Variants in CCDC171 observed in about 807,000 individuals in gnomAD.
CCDC171 encodes coiled-coil domain-containing protein 171.
A neutral mutation model predicts 168.2 loss-of-function variants in CCDC171; 177 were observed. The ratio of observed to expected loss-of-function variants is 1.05; its 90% CI spans 0.93 to 1.19. The LOEUF (loss-of-function observed/expected upper bound fraction) is 1.19. CCDC171 is among the 50% of genes most tolerant of loss of function. CCDC171 has a pLI of 0.00. For synonymous variants in CCDC171, 687 were observed against 540.8 expected (o/e 1.27, Z -3.75); for missense variants, 1,991 against 1,539.0 (o/e 1.29, Z -4.91).
chr9:15,803,661 G>A (rs989797877), intron 21 of CCDC171, among the ~76,000 whole-genome samples: 4 of 152,096 alleles, frequency 2.6e-5, no homozygotes, highest in Non-Finnish European at 5.9e-5. Context: ...TTTGATTACA[G>A]TAGCCCTGTA....
chr9:15,644,963 C>T (rs1030576902), intron 7 of CCDC171, among the ~76,000 whole-genome samples: 1 of 152,226 alleles, frequency 6.6e-6, no homozygotes, highest in African/African-American at 2.4e-5. Flanking sequence ...GTCCCTGACC[C>T]CTGAGTAGCC....
chr9:15,788,692 GA>G (rs1411690659), intron 21 of CCDC171, among the ~76,000 whole-genome samples: 3 of 151,498 alleles, frequency 2.0e-5, no homozygotes, highest in African/African-American at 4.9e-5. Context: ...TGGGTCTACA[GA>G]CACATGCCAC....
chr9:15,576,851 A>C (rs2040709936), intron 3 of CCDC171, among the ~76,000 whole-genome samples: 1 of 152,166 alleles, frequency 6.6e-6, no homozygotes, highest in Non-Finnish European at 1.5e-5. Context: ...GATCTGAGTC[A>C]ATCTGTGGTG....
At chr9:15,880,236 T>A (rs1818435680) in intron 24 of CCDC171, among the ~76,000 whole-genome samples, 1 of 152,210 alleles carries the variant, frequency 6.6e-6, no homozygotes, top group African/African-American at 2.4e-5. Context: ...GTAAGTGACA[T>A]CATTTTAATA....
rs779453742 is a variant in CCDC171 at position 15,784,708 on chromosome 9, G to A, written c.3267+14G>A. ...GAAGCTGTTAAGGTAAGAGAATAAAGGGATATTTGCATAAAGGGATATTTT... is the reference window on the plus strand; with the variant it reads ...GAAGCTGTTAAGGTAAGAGAATAAAAGGATATTTGCATAAAGGGATATTTT... On this transcript the variant is annotated intron_variant, in intron 21 of 25. Coordinates refer to ENST00000380701, the MANE Select transcript of CCDC171 (RefSeq NM_173550.4). The A allele has an allele frequency of 1.2e-5, 19 of 1,593,706 alleles. No individual in the cohort carries two copies. The highest frequency in any genetic ancestry group is 3.3e-4 in the Middle Eastern group (2 of 6,022).
intron 21 of CCDC171, among the ~76,000 whole-genome samples, chr9:15,823,816 A>G (rs1373987164): frequency 6.6e-6 from 1 of 152,142 alleles, no homozygotes; most frequent in African/African-American, 2.4e-5. Context: ...TTTAAAGAGA[A>G]AGTTGATAAT....
chr9:15,571,383 A>G (rs2040209175), intron 2 of CCDC171, among the ~76,000 whole-genome samples: 1 of 152,192 alleles, frequency 6.6e-6, no homozygotes, highest in South Asian at 2.1e-4. Flanking sequence ...AATCTTGAAT[A>G]ATGTGGTAAT....
chr9:15,777,620 G>A lies in CCDC171; in HGVS notation c.2692G>A (p.Gly898Arg). Reference protein sequence around the residue: ...GKADPNSRICGHLLIGAAKNS... With the variant: ...GKADPNSRICRHLLIGAAKNS... ...TGAAGATCCAAATTCCAGAATTTGT[G>A]GACATTTACTCATAGGTGCAGCCAA... The change falls in exon 19 of 26, where the codon GGA becomes AGA. Residue 898 changes from glycine (G) to arginine (R), a missense_variant. Transcript: ENST00000380701. The A allele has an allele frequency of 1.3e-6, 2 of 1,598,926 alleles. No individual in the cohort carries two copies. Among genetic ancestry groups the A allele is most frequent in the Non-Finnish European group, 1.7e-6 (2 of 1,176,170 alleles).
intron 18 of CCDC171, among the ~76,000 whole-genome samples, chr9:15,746,593 GT>G (rs1370396244): frequency 6.6e-6 from 1 of 152,206 alleles, no homozygotes; most frequent in Non-Finnish European, 1.5e-5. Context: ...CTTAGAAATA[GT>G]TTTTAGATTT....
intron 11 of CCDC171, among the ~76,000 whole-genome samples, chr9:15,719,055 C>T (rs1444133677): frequency 6.6e-6 from 1 of 152,002 alleles, no homozygotes; most frequent in Non-Finnish European, 1.5e-5. Context: ...TTCAAAAGAA[C>T]TGTTTTGAGG....
At chr9:15,608,363 T>C (rs2043373353) in intron 6 of CCDC171, among the ~76,000 whole-genome samples, 2 of 152,308 alleles carry the variant, frequency 1.3e-5, no homozygotes, top group South Asian at 4.1e-4. Context: ...TCACATCTTT[T>C]TATGTGGGTA....
intron 21 of CCDC171, among the ~76,000 whole-genome samples, chr9:15,819,822 G>A (rs1349576360): frequency 8.5e-6 from 1 of 116,978 alleles, no homozygotes; most frequent in East Asian, 2.1e-4. Context: ...ATTGAACTCA[G>A]CTCTGCACGA....
At chr9:15,571,210 T>G (rs573683498) in intron 2 of CCDC171, among the ~76,000 whole-genome samples, 1 of 152,340 alleles carries the variant, frequency 6.6e-6, no homozygotes, top group South Asian at 2.1e-4. Flanking sequence ...TTAATTTTTA[T>G]TTTTGGGAGA....
chr9:16,001,795 T>G (rs1832553613), intron 3 of CCDC171, among the ~76,000 whole-genome samples: 1 of 152,076 alleles, frequency 6.6e-6, no homozygotes, highest in Non-Finnish European at 1.5e-5. Flanking sequence ...TACATAATAC[T>G]TGGTAATAAA....
chr9:16,082,916 C>T, the CCDC171 span, among the ~76,000 whole-genome samples: 4 of 152,204 alleles, frequency 2.6e-5, no homozygotes, highest in African/African-American at 9.7e-5. Flanking sequence ...ATGGTCCACT[C>T]CAACCTTATA....
chr9:15,956,305 T>C (rs1829792157), intron 25 of CCDC171, among the ~76,000 whole-genome samples: 4 of 152,298 alleles, frequency 2.6e-5, no homozygotes, highest in Admixed American at 6.5e-5. Context: ...TTCATGATGA[T>C]GGAGGCTAGG....
chr9:15,669,524 G>T (rs911945266), intron 9 of CCDC171, among the ~76,000 whole-genome samples: 5 of 151,928 alleles, frequency 3.3e-5, no homozygotes, highest in African/African-American at 9.7e-5. Context: ...ATAGATTATT[G>T]TTAACTATAG....
At chr9:15,845,077 A>T (rs2060838292) in intron 21 of CCDC171, among the ~76,000 whole-genome samples, 2 of 152,104 alleles carry the variant, frequency 1.3e-5, no homozygotes, top group South Asian at 4.1e-4. Context: ...TATTTGAAAA[A>T]TTGATTTTTT....
chr9:15,754,588 A>G (rs1030399650), intron 18 of CCDC171, among the ~76,000 whole-genome samples: 1 of 152,136 alleles, frequency 6.6e-6, no homozygotes, highest in Admixed American at 6.6e-5. Flanking sequence ...CTATCCTAAA[A>G]TTGCTAAGCT....
Sources: allele counts gnomAD v4.1 joint callset (sites outside exome capture counted in the v4.1 genomes callset), GRCh38; gene constraint gnomAD v4.1.1; transcripts MANE v1.5; gene names NCBI Gene and HGNC (gene_info 2026-07-23, HGNC 2026-07-21).